CDC42BPA: variants seen among roughly 807,000 people sequenced by gnomAD.
CDC42BPA encodes CDC42 binding protein kinase alpha.
In CDC42BPA, 80 loss-of-function variants were observed where a neutral mutation model predicts 223.5. The ratio of observed to expected loss-of-function variants is 0.36; its 90% CI spans 0.30 to 0.43. The LOEUF (loss-of-function observed/expected upper bound fraction) is 0.43, where lower values mean the gene tolerates loss of function less well. Among genes scored for constraint, CDC42BPA ranks in the 20% least tolerant of loss-of-function variants. The pLI, the probability that CDC42BPA is intolerant of heterozygous loss-of-function variation, is 1.00. For missense variants in CDC42BPA, 1,743 were observed against 2,099.9 expected (o/e 0.83, Z 3.32); for synonymous variants, 694 against 718.6 (o/e 0.97, Z 0.55).
At chr1:227,003,613 TA>T (rs1459362488) in intron 35 of CDC42BPA, among the ~76,000 whole-genome samples, 1 of 152,198 alleles carries the variant, frequency 6.6e-6, no homozygotes, top group Non-Finnish European at 1.5e-5. Context: ...CATTTTGAGG[TA>T]AGTAGCCTTT....
intron 5 of CDC42BPA, among the ~76,000 whole-genome samples, chr1:227,187,089 A>G (rs1668894788): frequency 6.6e-6 from 1 of 152,206 alleles, no homozygotes; most frequent in Non-Finnish European, 1.5e-5. Context: ...CTCAAAGTCT[A>G]TACTTATTTT....
intron 6 of CDC42BPA, among the ~76,000 whole-genome samples, chr1:227,157,951 A>G (rs1273262161): frequency 2.2e-5 from 3 of 134,658 alleles, no homozygotes; most frequent in African/African-American, 5.5e-5. Flanking sequence ...AAATATTTTT[A>G]TAACTTTTTT....
At chr1:227,024,320 A>G (rs951839214) in intron 31 of CDC42BPA, among the ~76,000 whole-genome samples, 3 of 152,200 alleles carry the variant, frequency 2.0e-5, no homozygotes, top group African/African-American at 7.2e-5. Flanking sequence ...CTGACAATGG[A>G]AAGTACTAGG....
chr1:227,075,797 T>C (rs187218686), intron 17 of CDC42BPA, among the ~76,000 whole-genome samples: 24 of 152,322 alleles, frequency 1.6e-4, no homozygotes, highest in African/African-American at 5.0e-4. Context: ...GTGCCCAGGC[T>C]AACAGGTCTC....
chr1:227,288,436 T>C (rs1393544877), intron 1 of CDC42BPA, among the ~76,000 whole-genome samples: 1 of 152,096 alleles, frequency 6.6e-6, no homozygotes, highest in African/African-American at 2.4e-5. Context: ...CAGTGGCTCA[T>C]GCCTGTAAAC....
At chr1:227,279,215 A>C (rs554202921) in intron 1 of CDC42BPA, among the ~76,000 whole-genome samples, 1 of 152,292 alleles carries the variant, frequency 6.6e-6, no homozygotes, top group South Asian at 2.1e-4. Flanking sequence ...TAACTCCATC[A>C]ACTCTTCATT....
chr1:227,112,634 A>C, intron 13 of CDC42BPA, 37 bp downstream of exon 13: 1 of 1,589,484 alleles, frequency 6.3e-7, no homozygotes, highest in Middle Eastern at 1.7e-4. Context: ...TTTAATCACT[A>C]TCCCATGGGC....
chr1:227,166,275 C>G (rs913463191), intron 5 of CDC42BPA, among the ~76,000 whole-genome samples: 5 of 152,242 alleles, frequency 3.3e-5, no homozygotes, highest in Admixed American at 6.5e-5. Context: ...AACGAGGCCT[C>G]AGGAGGGTGG....
chr1:227,223,427 G>A (rs1271804572), intron 2 of CDC42BPA, among the ~76,000 whole-genome samples: 1 of 152,152 alleles, frequency 6.6e-6, no homozygotes, highest in Non-Finnish European at 1.5e-5. Flanking sequence ...AGATAACAGG[G>A]GAACCATTCT....
intron 9 of CDC42BPA, among the ~76,000 whole-genome samples, chr1:227,141,480 G>A (rs1659652043): frequency 6.6e-6 from 1 of 152,156 alleles, no homozygotes; most frequent in Non-Finnish European, 1.5e-5. Context: ...GGCCTTACTA[G>A]AGGCTTGCAC....
chr1:227,150,614 A>G (rs562270547), intron 6 of CDC42BPA, among the ~76,000 whole-genome samples: 3 of 152,190 alleles, frequency 2.0e-5, no homozygotes, highest in Non-Finnish European at 4.4e-5. Flanking sequence ...ACCAAGATGG[A>G]AGAATGTGAT....
At chr1:227,180,910 CTT>C (rs35588312) in intron 5 of CDC42BPA, among the ~76,000 whole-genome samples, 1 of 139,912 alleles carries the variant, frequency 7.1e-6, no homozygotes, top group Non-Finnish European at 1.6e-5. Context: ...AACTTGGGGC[CTT>C]TTTTTTTTTC....
chr1:227,144,556 C>A (rs1660318779), intron 8 of CDC42BPA, among the ~76,000 whole-genome samples: 1 of 96,440 alleles, frequency 1.0e-5, no homozygotes. Context: ...GCCTGGGAGA[C>A]AGAGCGAGAC....
intron 22 of CDC42BPA, among the ~76,000 whole-genome samples, chr1:227,048,957 C>T (rs1216432285): frequency 6.6e-6 from 1 of 151,824 alleles, no homozygotes; most frequent in East Asian, 1.9e-4. Flanking sequence ...ACCATACAAC[C>T]TCCAAAAACA....
rs1007703697 is a variant in CDC42BPA, at chr1:227,208,836, C to T, written c.354+4300G>A. On this transcript the variant is annotated intron_variant, in intron 3 of 36. Coordinates refer to ENST00000366766, the MANE Select transcript of CDC42BPA (RefSeq NM_001394014.1). ...TTGGCTTAGGATTGCCTTGGCGATG[C>T]GGGCTCTTTTTCGGTTCCATATGAA... is the stretch of plus-strand genomic sequence containing the variant. 6.0e-3 allele frequency among the ~76,000 whole-genome samples: 912 copies of T among 152,112 alleles called. 10 individuals carry two copies. The highest frequency in any genetic ancestry group is 0.021 in the African/African-American group (858 of 41,432).
At position 227,001,972 on chromosome 1, in the gene CDC42BPA, C is replaced by A. The variant is rs138547864; in HGVS notation, c.4975+3022G>T. 5.9e-5 allele frequency among the ~76,000 whole-genome samples: 9 copies of A among 152,098 alleles called. No individual in the cohort carries two copies. The East Asian group carries it at 1.4e-3, about 23-fold the overall frequency. The stretch of plus-strand genomic sequence containing the variant: ...ACCAAAACAAAAAACAAAACAACAA[C>A]AAAACCCAAAAAAATCCTGGAGGCC... On this transcript the variant is annotated intron_variant, in intron 35 of 36. Coordinates refer to ENST00000366766, the MANE Select transcript of CDC42BPA (RefSeq NM_001394014.1).
intron 1 of CDC42BPA, among the ~76,000 whole-genome samples, chr1:227,278,493 C>G (rs1687492367): frequency 6.6e-6 from 1 of 152,070 alleles, no homozygotes; most frequent in African/African-American, 2.4e-5. Flanking sequence ...AAGGTAGAAC[C>G]CCAATGTTCT....
intron 22 of CDC42BPA, among the ~76,000 whole-genome samples, chr1:227,051,043 G>A (rs561041879): frequency 6.6e-6 from 1 of 152,088 alleles, no homozygotes; most frequent in African/African-American, 2.4e-5. Flanking sequence ...ACACAAGAGG[G>A]TCTCATTAAC....
intron 22 of CDC42BPA, among the ~76,000 whole-genome samples, chr1:227,048,788 T>A (rs377142231): frequency 6.7e-6 from 1 of 148,644 alleles, no homozygotes; most frequent in East Asian, 1.9e-4. Context: ...GAAAGTAACT[T>A]CCTTTCAGGA....
Sources: gnomAD v4.1 joint callset for allele counts (sites outside exome capture counted in the v4.1 genomes callset) on GRCh38, gnomAD v4.1.1 for gene constraint, MANE v1.5 for transcripts, NCBI Gene and HGNC (gene_info 2026-07-23, HGNC 2026-07-21) for gene names.